The following TUBGCP3 variants were observed in gnomAD, a reference collection of about 807,000 sequenced individuals.
TUBGCP3 encodes the protein gamma-tubulin complex component 3.
TUBGCP3 carries 50 observed loss-of-function variants against 123.1 expected under a neutral mutation model. The observed-to-expected ratio is 0.41, with a 90% CI of 0.32 to 0.51. TUBGCP3 has a LOEUF of 0.51. Among genes scored for constraint, TUBGCP3 ranks in the 20% least tolerant of loss-of-function variants. TUBGCP3 has a pLI of 0.36. For synonymous variants in TUBGCP3, 405 were observed against 413.9 expected (o/e 0.98, Z 0.26); for missense variants, 882 against 1,127.0 (o/e 0.78, Z 3.11).
intron 1 of TUBGCP3, among the ~76,000 whole-genome samples, chr13:112,573,272 G>C (rs948525886): frequency 6.6e-6 from 1 of 151,376 alleles, no homozygotes; most frequent in Non-Finnish European, 1.5e-5. Context: ...AAGTATGAAG[G>C]CAGATGTTTT....
chr13:112,588,923 G>A (rs564014128), upstream of TUBGCP3, among the ~76,000 whole-genome samples: 45 of 152,228 alleles, frequency 3.0e-4, no homozygotes, highest in Non-Finnish European at 5.1e-4. Flanking sequence ...AGCCCGTCGG[G>A]CCTGGGTCCA....
rs146473029 is a variant in TUBGCP3, at chr13:112,564,116, T to C, written c.252+995A>G. Among the ~76,000 whole-genome samples the C allele has an allele frequency of 2.0e-5, 3 of 152,210 alleles. No homozygotes were observed. The East Asian group carries it at 5.8e-4, about 29-fold the overall frequency. On this transcript the variant is annotated intron_variant, in intron 3 of 21. Transcript: ENST00000261965. The stretch of plus-strand genomic sequence containing the variant: ...TTGAAATAATTTGCCTGGAAATGAA[T>C]GGACAAAAAAGGTTCCTATTTCTTA...
intron 1 of TUBGCP3, among the ~76,000 whole-genome samples, chr13:112,586,616 A>G (rs1444303162): frequency 6.6e-6 from 1 of 152,202 alleles, no homozygotes; most frequent in Admixed American, 6.5e-5. Context: ...TAAATATCTC[A>G]GAGGCTTTCC....
At chr13:112,535,471 T>C (rs544012367) in intron 11 of TUBGCP3, among the ~76,000 whole-genome samples, 5 of 152,352 alleles carry the variant, frequency 3.3e-5, no homozygotes, top group African/African-American at 7.2e-5. Flanking sequence ...TGGCTGCTGG[T>C]TTGTTTTTGT....
At chr13:112,559,956 G>A (rs549311015) in intron 3 of TUBGCP3, among the ~76,000 whole-genome samples, 8 of 152,064 alleles carry the variant, frequency 5.3e-5, no homozygotes, top group South Asian at 2.1e-4. Context: ...CCAACATGGC[G>A]AAACCCCATC....
At chr13:112,487,282 C>T (rs754748574) in intron 21 of TUBGCP3, among the ~76,000 whole-genome samples, 1 of 151,700 alleles carries the variant, frequency 6.6e-6, no homozygotes, top group African/African-American at 2.4e-5. Flanking sequence ...TGTTCTTTCA[C>T]AGTCAATGGC....
intron 2 of TUBGCP3, among the ~76,000 whole-genome samples, 154 bp from the exon 3 acceptor site, chr13:112,565,332 T>A (rs927950550): frequency 1.3e-5 from 2 of 152,250 alleles, no homozygotes; most frequent in Non-Finnish European, 2.9e-5. Flanking sequence ...TTAAGCTCTA[T>A]GAATCTGATC....
intron 20 of TUBGCP3, chr13:112,489,942 T>C (rs1879964643): frequency 7.5e-6 from 4 of 532,752 alleles, no homozygotes; most frequent in Non-Finnish European, 1.3e-5. Context: ...GTTTTTAATA[T>C]CACATTGTAT....
At chr13:112,489,486 A>G (rs1256144547) in intron 21 of TUBGCP3, 95 bp downstream of exon 21, 1 of 865,276 alleles carries the variant, frequency 1.2e-6, no homozygotes, top group East Asian at 2.4e-5. Flanking sequence ...TCAGACTGAC[A>G]GGGCTGACTC....
At chr13:112,600,151 A>G in the TUBGCP3 span, among the ~76,000 whole-genome samples, 2 of 152,186 alleles carry the variant, frequency 1.3e-5, no homozygotes, top group East Asian at 3.9e-4. Context: ...AGAATTCCCA[A>G]AGACGGCTGC....
In TUBGCP3 at chr13:112,493,703, G is replaced by A. The variant is rs28727414; in HGVS notation, c.2449-4006C>T. Among the ~76,000 whole-genome samples the A allele has an allele frequency of 6.2e-3, 724 of 116,130 alleles. 5 individuals carry two copies. Among genetic ancestry groups the A allele is most frequent in the African/African-American group, 0.023 (664 of 29,436 alleles). The allele number at this position is 116,130 out of a possible 152,430, so 76.2% of individuals were successfully genotyped here. A position where few individuals can be genotyped will look rare whatever the true frequency, so the allele number is the denominator to read the frequency against. On this transcript the variant is annotated intron_variant, in intron 20 of 21. Coordinates refer to ENST00000261965, the MANE Select transcript of TUBGCP3 (RefSeq NM_006322.6). The stretch of plus-strand genomic sequence containing the variant: ...CCTGAGACACTCTGGCTATGGGAAC[G>A]TGGCCTGGTGTCCCTGAGACACTCT...
At chr13:112,580,054 G>A (rs1397664560) in intron 1 of TUBGCP3, among the ~76,000 whole-genome samples, 1 of 152,200 alleles carries the variant, frequency 6.6e-6, no homozygotes, top group African/African-American at 2.4e-5. Flanking sequence ...GTTATACTAA[G>A]TGAAAGAAAC....
intron 1 of TUBGCP3, among the ~76,000 whole-genome samples, chr13:112,584,934 T>C (rs1280374837): frequency 2.0e-5 from 3 of 152,210 alleles, no homozygotes; most frequent in Non-Finnish European, 2.9e-5. Context: ...TTCAAGCAAA[T>C]TCACAGATGT....
chr13:112,489,642 T>C lies in TUBGCP3; in HGVS notation c.2504A>G (p.Glu835Gly), dbSNP rs551948007. 12 of 1,614,196 alleles carry C rather than the reference T, an allele frequency of 7.4e-6. No homozygotes were observed. In the African/African-American group the frequency reaches 1.3e-4, roughly 18 times the overall value. Residue 835 changes from glutamate (E) to glycine (G), a missense_variant, in exon 21 of 22, where the codon GAA (glutamate) becomes GGA (glycine). Transcript: ENST00000261965. Reference protein sequence around the residue: ...EEEEENKRIGEFKESIPKMCS... With the variant: ...EEEEENKRIGGFKESIPKMCS... Reference sequence around the variant, plus strand: ...CATTTTTGGTATAGATTCTTTAAATTCTCCAATCCTCTTATTTTCCTCCTC... The same window carrying C: ...CATTTTTGGTATAGATTCTTTAAATCCTCCAATCCTCTTATTTTCCTCCTC...
rs115896196 is a variant in TUBGCP3 at position 112,509,717 on chromosome 13, G to A, written c.2087-5003C>T. On this transcript the variant is annotated intron_variant, in intron 17 of 21. Transcript: ENST00000261965. ...GACGCTGCTACTGAAAAGAAACCTC[G>A]TAAAACCATCCACATGACAGAAGTC... Among the ~76,000 whole-genome samples the A allele has an allele frequency of 5.1e-3, 784 of 152,244 alleles. 5 individuals carry two copies. Among genetic ancestry groups the A allele is most frequent in the African/African-American group, 0.018 (745 of 41,528 alleles).
upstream of TUBGCP3, among the ~76,000 whole-genome samples, chr13:112,591,730 T>C (rs1882886602): frequency 6.6e-6 from 1 of 152,256 alleles, no homozygotes; most frequent in Admixed American, 6.5e-5. Context: ...ATCACTGGCC[T>C]ATGAATGATA....
chr13:112,578,341 CGAGGTCAG>C, intron 1 of TUBGCP3, among the ~76,000 whole-genome samples: 1 of 151,514 alleles, frequency 6.6e-6, no homozygotes, highest in African/African-American at 2.4e-5. Context: ...GGGCGGATCA[CGAGGTCAG>C]GAGATCGAGA....
chr13:112,582,255 TA>T (rs1241652662), intron 1 of TUBGCP3, among the ~76,000 whole-genome samples: 1 of 152,216 alleles, frequency 6.6e-6, no homozygotes, highest in Non-Finnish European at 1.5e-5. Context: ...ACTCAATCAG[TA>T]ATTCAATGAA....
chr13:112,597,383 G>C, the TUBGCP3 span, among the ~76,000 whole-genome samples: 14 of 152,292 alleles, frequency 9.2e-5, no homozygotes, highest in African/African-American at 3.1e-4. Context: ...ATCCCCATTA[G>C]AGAAATAAAA....
Sources: gnomAD v4.1 joint callset for allele counts (sites outside exome capture counted in the v4.1 genomes callset) on GRCh38, gnomAD v4.1.1 for gene constraint, MANE v1.5 for transcripts, NCBI Gene and HGNC (gene_info 2026-07-23, HGNC 2026-07-21) for gene names.